Variants in REDIC1 observed in about 807,000 individuals in gnomAD.
REDIC1 encodes the protein HEI10 Interacting Protein 1.
chr12:39,900,140 AC>A, the REDIC1 span, among the ~76,000 whole-genome samples: 4 of 130,564 alleles, frequency 3.1e-5, no homozygotes, highest in Non-Finnish European at 6.7e-5. Context: ...AAATTCAACA[AC>A]CCTTCAGGCT....
chr12:39,638,241 C>T, the REDIC1 span, among the ~76,000 whole-genome samples: 131,729 of 151,994 alleles, frequency 0.87, 57,343 homozygotes, highest in African/African-American at 0.92. Context: ...CCCAAGAAAA[C>T]AGGGACTGCA....
At chr12:39,831,474 C>G in the REDIC1 span, among the ~76,000 whole-genome samples, 1 of 152,132 alleles carries the variant, frequency 6.6e-6, no homozygotes, top group Admixed American at 6.6e-5. Context: ...AAAAGACATA[C>G]AAGTTGTCTG....
the REDIC1 span, among the ~76,000 whole-genome samples, chr12:39,749,656 C>T: frequency 6.6e-6 from 1 of 152,128 alleles, no homozygotes; most frequent in Non-Finnish European, 1.5e-5. Context: ...AACATAGATG[C>T]AAAAATCCTC....
chr12:39,868,183 T>A, the REDIC1 span, among the ~76,000 whole-genome samples: 1 of 152,212 alleles, frequency 6.6e-6, no homozygotes, highest in Non-Finnish European at 1.5e-5. Flanking sequence ...GAATTTTATC[T>A]GGTGTACTGT....
At chr12:39,714,047 A>ATGTATATACACGTATGTGTATATACG in the REDIC1 span, among the ~76,000 whole-genome samples, 128 of 9,226 alleles carry the variant, frequency 0.014, 14 homozygotes, top group Non-Finnish European at 0.055. Context: ...GTATATACAC[A>ATGTATATACACGTATGTGTATATACG]TGTATATACA....
the REDIC1 span, chr12:39,716,773 A>G: frequency 6.2e-7 from 1 of 1,603,780 alleles, no homozygotes; most frequent in Non-Finnish European, 8.5e-7. Context: ...TTCTGCACAG[A>G]GTAGTCGGTC....
At chr12:39,732,447 C>G in the REDIC1 span, among the ~76,000 whole-genome samples, 1 of 151,952 alleles carries the variant, frequency 6.6e-6, no homozygotes, top group East Asian at 1.9e-4. Context: ...TCACTTTTTT[C>G]TCTTATATTA....
the REDIC1 span, among the ~76,000 whole-genome samples, chr12:39,769,034 T>C: frequency 6.6e-6 from 1 of 152,122 alleles, no homozygotes; most frequent in Non-Finnish European, 1.5e-5. Flanking sequence ...TGTGGCTTAT[T>C]AACTTCTTTC....
the REDIC1 span, among the ~76,000 whole-genome samples, chr12:39,722,208 T>C: frequency 6.6e-6 from 1 of 152,024 alleles, no homozygotes; most frequent in Non-Finnish European, 1.5e-5. Context: ...GCAGAGGTGA[T>C]TTGGGGCATT....
At chr12:39,853,607 C>CTTT in the REDIC1 span, among the ~76,000 whole-genome samples, 2 of 136,186 alleles carry the variant, frequency 1.5e-5, no homozygotes, top group Admixed American at 1.5e-4. Flanking sequence ...TTCTTTCTTT[C>CTTT]TTTTTTTTTT....
the REDIC1 span, among the ~76,000 whole-genome samples, chr12:39,794,368 T>C: frequency 6.6e-6 from 1 of 152,210 alleles, no homozygotes; most frequent in Non-Finnish European, 1.5e-5. Context: ...GGGCATAGAA[T>C]TATAAATTGG....
At chr12:39,896,480 G>T in the REDIC1 span, among the ~76,000 whole-genome samples, 1 of 145,296 alleles carries the variant, frequency 6.9e-6, no homozygotes, top group African/African-American at 2.5e-5. Context: ...ATATGTATAT[G>T]TGTATATATG....
At chr12:39,860,461 A>T in the REDIC1 span, among the ~76,000 whole-genome samples, 1 of 152,216 alleles carries the variant, frequency 6.6e-6, no homozygotes, top group Non-Finnish European at 1.5e-5. Flanking sequence ...GGACTTAATT[A>T]TCATGCATGG....
the REDIC1 span, among the ~76,000 whole-genome samples, chr12:39,831,720 T>C: frequency 1.3e-5 from 2 of 152,038 alleles, no homozygotes; most frequent in Admixed American, 1.3e-4. Context: ...GAATTCTCAC[T>C]CAGTTCACAT....
the REDIC1 span, among the ~76,000 whole-genome samples, chr12:39,812,483 C>A: frequency 6.7e-6 from 1 of 148,674 alleles, no homozygotes; most frequent in African/African-American, 2.5e-5. Flanking sequence ...CCCCTTCTCT[C>A]TTTTTGTGAG....
At chr12:39,746,717 CT>C in the REDIC1 span, among the ~76,000 whole-genome samples, 2 of 152,344 alleles carry the variant, frequency 1.3e-5, no homozygotes, top group African/African-American at 4.8e-5. Flanking sequence ...GGGTGCCCCC[CT>C]GAGACGAAGC....
At chr12:39,776,088 T>G in the REDIC1 span, among the ~76,000 whole-genome samples, 3 of 152,310 alleles carry the variant, frequency 2.0e-5, no homozygotes, top group South Asian at 2.1e-4. Flanking sequence ...ATCTGGGGCT[T>G]CTTCTTCCAT....
the REDIC1 span, among the ~76,000 whole-genome samples, chr12:39,812,278 G>A: frequency 3.3e-5 from 5 of 152,032 alleles, no homozygotes; most frequent in Non-Finnish European, 5.9e-5. Context: ...CCACCCTCAT[G>A]ACCTAATCAC....
At chr12:39,755,580 GA>G in the REDIC1 span, 1 of 151,854 alleles carries the variant, frequency 6.6e-6, no homozygotes, top group Non-Finnish European at 1.5e-5. Flanking sequence ...ACCTTTAAAT[GA>G]GATGGAATAA....
Sources: gnomAD v4.1 joint callset for allele counts (sites outside exome capture counted in the v4.1 genomes callset) on GRCh38, gnomAD v4.1.1 for gene constraint, MANE v1.5 for transcripts, NCBI Gene and HGNC (gene_info 2026-07-23, HGNC 2026-07-21) for gene names.